The following FRMD4A variants were observed in gnomAD, a reference collection of about 807,000 sequenced individuals.
The protein encoded by FRMD4A is FERM domain containing 4A.
In FRMD4A, 29 loss-of-function variants were observed where a neutral mutation model predicts 129.1. That is an observed-to-expected ratio of 0.22 (90% CI 0.17 to 0.31). The LOEUF is 0.31. Ranked by LOEUF, FRMD4A falls within the 10% of genes least tolerant of loss-of-function variation. The pLI, the probability that FRMD4A is intolerant of heterozygous loss-of-function variation, is 1.00. For missense variants in FRMD4A, 1,272 were observed against 1,375.8 expected (o/e 0.92, Z 1.19); for synonymous variants, 634 against 571.6 (o/e 1.11, Z -1.56).
intron 2 of FRMD4A, among the ~76,000 whole-genome samples, chr10:14,039,398 C>CTAT (rs200483065): frequency 0.011 from 1,646 of 149,284 alleles, 46 homozygotes; most frequent in East Asian, 0.074. Flanking sequence ...ATCCATCCAT[C>CTAT]CATCCATCCA....
At chr10:13,848,894 C>A (rs568043912) in intron 3 of FRMD4A, among the ~76,000 whole-genome samples, 1 of 152,154 alleles carries the variant, frequency 6.6e-6, no homozygotes, top group Non-Finnish European at 1.5e-5. Flanking sequence ...ATTTCTTATT[C>A]CTCTCCATCA....
chr10:14,315,459 G>A (rs1218419), intron 2 of FRMD4A, among the ~76,000 whole-genome samples: 7,299 of 152,178 alleles, frequency 0.048, 525 homozygotes, highest in African/African-American at 0.15. Flanking sequence ...TCATGTATGC[G>A]AGTAAAAGCT....
At chr10:14,088,632 A>G (rs2045697) in intron 2 of FRMD4A, among the ~76,000 whole-genome samples, 82,406 of 150,744 alleles carry the variant, frequency 0.55, 23,314 homozygotes, top group East Asian at 0.91. Flanking sequence ...GCCGGACGTG[A>G]TGGCGCATGC....
chr10:13,842,017 CCACTCAGCACGTAA>C (rs1193683374), intron 3 of FRMD4A, among the ~76,000 whole-genome samples: 1 of 152,102 alleles, frequency 6.6e-6, no homozygotes, highest in Non-Finnish European at 1.5e-5. Context: ...TCTTGCCCAC[CCACTCAGCACGTAA>C]CACTGCAATA....
At chr10:13,915,134 CT>C (rs2094985903) in intron 2 of FRMD4A, among the ~76,000 whole-genome samples, 1 of 152,148 alleles carries the variant, frequency 6.6e-6, no homozygotes, top group South Asian at 2.1e-4. Flanking sequence ...TGTTTCATGG[CT>C]ACATTTTAAG....
At chr10:13,969,000 T>A (rs558836713) in intron 2 of FRMD4A, among the ~76,000 whole-genome samples, 1 of 152,348 alleles carries the variant, frequency 6.6e-6, no homozygotes, top group East Asian at 1.9e-4. Flanking sequence ...ATTACAGATA[T>A]GTCTTTAAAA....
chr10:14,249,895 C>T (rs2132018569), intron 2 of FRMD4A, among the ~76,000 whole-genome samples: 1 of 152,274 alleles, frequency 6.6e-6, no homozygotes, highest in East Asian at 1.9e-4. Context: ...AGGAAAGAAA[C>T]ACAACAACAT....
At chr10:13,657,803 T>TA (rs1554826506) in intron 21 of FRMD4A, among the ~76,000 whole-genome samples, 23 of 150,692 alleles carry the variant, frequency 1.5e-4, no homozygotes, top group Admixed American at 2.6e-4. Context: ...TTTTTTTTTT[T>TA]AAATAATTCT....
chr10:14,201,688 G>C (rs1842640541), intron 2 of FRMD4A, among the ~76,000 whole-genome samples: 1 of 152,156 alleles, frequency 6.6e-6, no homozygotes, highest in African/African-American at 2.4e-5. Context: ...CCTTCAAAAT[G>C]CCTCTCTGAG....
At chr10:14,129,004 GA>G in intron 2 of FRMD4A, among the ~76,000 whole-genome samples, 1 of 152,208 alleles carries the variant, frequency 6.6e-6, no homozygotes, top group East Asian at 1.9e-4. Flanking sequence ...TTCTAGCTGA[GA>G]AAATAAGCTT....
chr10:13,859,240 C>G (rs550185529), intron 2 of FRMD4A, among the ~76,000 whole-genome samples: 1 of 151,998 alleles, frequency 6.6e-6, no homozygotes, highest in Non-Finnish European at 1.5e-5. Flanking sequence ...CAAAATTAGC[C>G]GGGCGTGGTG....
At chr10:14,142,627 A>C (rs189428627) in intron 2 of FRMD4A, among the ~76,000 whole-genome samples, 34 of 152,370 alleles carry the variant, frequency 2.2e-4, no homozygotes, top group African/African-American at 7.7e-4. Context: ...GAGACCTTGA[A>C]AAATTATATA....
rs528693590 is a variant in FRMD4A, at chr10:14,297,049, C to A, written c.45+33009G>T. 5.9e-5 allele frequency among the ~76,000 whole-genome samples: 9 copies of A among 152,244 alleles called. No homozygotes were observed. The South Asian group carries it at 1.5e-3, about 25-fold the overall frequency. ...AACAGAAATAGCTCACAAGATGAAA[C>A]CTATTTGTCATCTCCCACCAAAAAC... On this transcript the variant is annotated intron_variant, in intron 2 of 24. Coordinates refer to ENST00000357447, the MANE Select transcript of FRMD4A (RefSeq NM_018027.5).
chr10:13,652,011 G>A (rs1405910766), intron 23 of FRMD4A, 37 bp from the exon 24 acceptor site: 3 of 1,127,822 alleles, frequency 2.7e-6, no homozygotes, highest in African/African-American at 3.0e-5. Flanking sequence ...AGAGAAGAGA[G>A]GTCATGTTAC....
chr10:14,287,147 C>T (rs200717997), intron 2 of FRMD4A, among the ~76,000 whole-genome samples: 2,841 of 152,086 alleles, frequency 0.019, 60 homozygotes, highest in African/African-American at 0.053. Context: ...CCCCCCGCTC[C>T]GTGATGCATT....
At chr10:14,025,593 C>T (rs1233113401) in intron 2 of FRMD4A, among the ~76,000 whole-genome samples, 6 of 152,126 alleles carry the variant, frequency 3.9e-5, no homozygotes, top group Non-Finnish European at 1.5e-5. Flanking sequence ...ATTTTGGGGC[C>T]TTAAGGATAG....
At chr10:13,850,395 C>T (rs909175956) in intron 3 of FRMD4A, among the ~76,000 whole-genome samples, 9 of 152,132 alleles carry the variant, frequency 5.9e-5, no homozygotes, top group Admixed American at 5.2e-4. Context: ...TCACCAGCAT[C>T]GCTGTCAGAC....
chr10:14,177,468 T>C (rs1010879811), intron 2 of FRMD4A, among the ~76,000 whole-genome samples: 1 of 152,112 alleles, frequency 6.6e-6, no homozygotes, highest in Non-Finnish European at 1.5e-5. Flanking sequence ...CCACTGTGCC[T>C]GGCCCCAATC....
intron 15 of FRMD4A, among the ~76,000 whole-genome samples, chr10:13,688,041 C>T (rs565762694): frequency 2.0e-5 from 3 of 152,290 alleles, no homozygotes; most frequent in African/African-American, 7.2e-5. Flanking sequence ...CTTAACCAAT[C>T]ACTTTAACTA....
Sources: gnomAD v4.1 joint callset for allele counts (sites outside exome capture counted in the v4.1 genomes callset) on GRCh38, gnomAD v4.1.1 for gene constraint, MANE v1.5 for transcripts, NCBI Gene and HGNC (gene_info 2026-07-23, HGNC 2026-07-21) for gene names.